Variants in TENM3 observed in about 807,000 individuals in gnomAD.
TENM3 encodes the protein teneurin transmembrane protein 3.
Under a neutral mutation model 255.1 loss-of-function variants are expected in TENM3, and 63 were observed. That is an observed-to-expected ratio of 0.25 (90% confidence interval 0.20 to 0.30). The LOEUF is 0.30. Ranked by LOEUF, TENM3 falls within the 10% of genes least tolerant of loss-of-function variation. The pLI, the probability that TENM3 is intolerant of heterozygous loss-of-function variation, is 1.00. For missense variants in TENM3, 2,929 were observed against 3,461.1 expected, an observed-to-expected ratio of 0.85 and a Z score of 3.86; for synonymous variants, 1,306 against 1,322.3, an observed-to-expected ratio of 0.99 and a Z score of 0.27.
intron 6 of TENM3, among the ~76,000 whole-genome samples, chr4:182,670,340 G>A (rs1198150792): frequency 6.6e-6 from 1 of 152,102 alleles, no homozygotes; most frequent in Non-Finnish European, 1.5e-5. Flanking sequence ...AAGAAAAATA[G>A]ACCTGATAGC....
At chr4:181,880,151 C>G in the TENM3 span, among the ~76,000 whole-genome samples, 1 of 152,034 alleles carries the variant, frequency 6.6e-6, no homozygotes, top group Non-Finnish European at 1.5e-5. Flanking sequence ...TGACCTATAC[C>G]AGCCAAAGGC....
chr4:182,338,050 A>G (rs919751924), intron 2 of TENM3, among the ~76,000 whole-genome samples: 1 of 151,910 alleles, frequency 6.6e-6, no homozygotes, highest in Non-Finnish European at 1.5e-5. Context: ...ATTTGTTAAA[A>G]CTCATGGAAG....
chr4:181,937,546 G>A, the TENM3 span, among the ~76,000 whole-genome samples: 1 of 152,160 alleles, frequency 6.6e-6, no homozygotes, highest in Non-Finnish European at 1.5e-5. Context: ...GGATGCAGGG[G>A]ATGAACAAAA....
At chr4:181,821,606 T>C in the TENM3 span, 1 of 152,216 alleles carries the variant, frequency 6.6e-6, no homozygotes. Context: ...CTGAGCGGTA[T>C]TTATACAGCT....
chr4:182,167,774 G>T (rs1388819916), intron 1 of TENM3, among the ~76,000 whole-genome samples: 1 of 152,104 alleles, frequency 6.6e-6, no homozygotes, highest in Non-Finnish European at 1.5e-5. Context: ...TACTTGGGAG[G>T]CTGAGGAGTC....
chr4:182,260,540 A>G (rs539422216), intron 1 of TENM3, among the ~76,000 whole-genome samples: 1 of 152,366 alleles, frequency 6.6e-6, no homozygotes, highest in African/African-American at 2.4e-5. Flanking sequence ...TATAATAAGA[A>G]TTATACAGTT....
At chr4:181,768,539 A>G in the TENM3 span, among the ~76,000 whole-genome samples, 1 of 152,232 alleles carries the variant, frequency 6.6e-6, no homozygotes, top group Non-Finnish European at 1.5e-5. Flanking sequence ...TTTCTGAATG[A>G]ACTAAAATGT....
chr4:181,747,951 CCA>C, the TENM3 span, among the ~76,000 whole-genome samples: 1,987 of 151,946 alleles, frequency 0.013, 30 homozygotes, highest in African/African-American at 0.045. Context: ...GGGTTTATTT[CCA>C]CACTCACTTT....
intron 3 of TENM3, among the ~76,000 whole-genome samples, chr4:182,595,379 A>G (rs1429637377): frequency 6.6e-6 from 1 of 152,086 alleles, no homozygotes. Context: ...TAGTCAACAT[A>G]CTTTATTCAG....
At chr4:181,688,855 G>A in the TENM3 span, among the ~76,000 whole-genome samples, 6 of 152,140 alleles carry the variant, frequency 3.9e-5, no homozygotes, top group Admixed American at 3.9e-4. Context: ...AAAAGAAAAT[G>A]CCAGATTATC....
chr4:182,441,323 CACAG>C (rs939629374), intron 3 of TENM3, among the ~76,000 whole-genome samples: 17 of 152,176 alleles, frequency 1.1e-4, no homozygotes, highest in Middle Eastern at 3.4e-3. Flanking sequence ...GTGAGAGAGA[CACAG>C]ACAGACAGAC....
At chr4:182,652,789 C>CA (rs559141560) in intron 5 of TENM3, among the ~76,000 whole-genome samples, 2 of 151,624 alleles carry the variant, frequency 1.3e-5, no homozygotes, top group Admixed American at 6.6e-5. Flanking sequence ...CTAAAAATAT[C>CA]AAAAAAAAGT....
intron 16 of TENM3, among the ~76,000 whole-genome samples, chr4:182,735,706 C>T (rs540516133): frequency 1.9e-3 from 294 of 152,304 alleles, no homozygotes; most frequent in South Asian, 4.6e-3. Context: ...TAGCCTTGCA[C>T]TTACAGCCTA....
intron 3 of TENM3, among the ~76,000 whole-genome samples, chr4:182,478,775 A>G (rs924575044): frequency 6.6e-6 from 1 of 151,976 alleles, no homozygotes; most frequent in Non-Finnish European, 1.5e-5. Context: ...ATCTTTATGG[A>G]TTATACTTAA....
chr4:182,159,354 C>T (rs895052651), intron 1 of TENM3, among the ~76,000 whole-genome samples: 2 of 152,144 alleles, frequency 1.3e-5, no homozygotes, highest in Admixed American at 6.5e-5. Flanking sequence ...TAAACATACC[C>T]TCTTGTGGGG....
intron 1 of TENM3, among the ~76,000 whole-genome samples, chr4:182,157,091 C>T (rs1750757474): frequency 6.6e-6 from 1 of 152,204 alleles, no homozygotes; most frequent in Non-Finnish European, 1.5e-5. Context: ...CTAGCATCCA[C>T]CCTTCCTGCA....
chr4:182,585,400 A>G (rs1334321999), intron 3 of TENM3, among the ~76,000 whole-genome samples: 4 of 152,146 alleles, frequency 2.6e-5, no homozygotes, highest in African/African-American at 7.2e-5. Context: ...TATTGGAGCT[A>G]GGGCCTCTAA....
intron 5 of TENM3, among the ~76,000 whole-genome samples, chr4:182,636,777 T>C (rs1751887534): frequency 6.6e-6 from 1 of 151,816 alleles, no homozygotes; most frequent in Non-Finnish European, 1.5e-5. Flanking sequence ...GTGTTTACCA[T>C]TTAAATATAG....
intron 1 of TENM3, among the ~76,000 whole-genome samples, chr4:182,281,330 A>G (rs1024759774): frequency 2.6e-5 from 4 of 152,226 alleles, no homozygotes; most frequent in African/African-American, 9.6e-5. Flanking sequence ...AGATATTCCC[A>G]TAGGTTGGAC....
Sources: allele counts gnomAD v4.1 joint callset (sites outside exome capture counted in the v4.1 genomes callset), GRCh38; gene constraint gnomAD v4.1.1; transcripts MANE v1.5; gene names NCBI Gene and HGNC (gene_info 2026-07-23, HGNC 2026-07-21).